The following CCDC7 variants were observed in gnomAD, a reference collection of about 807,000 sequenced individuals.
The protein encoded by CCDC7 is coiled-coil domain-containing protein 7.
CCDC7 carries 183 observed loss-of-function variants against 196.9 expected under a neutral mutation model. That is an observed-to-expected ratio of 0.93 (90% CI 0.82 to 1.05). The LOEUF is 1.05. CCDC7 is among the 50% of genes least tolerant of loss of function. The pLI, the probability that CCDC7 is intolerant of heterozygous loss-of-function variation, is 0.00. For synonymous variants in CCDC7, 525 were observed against 484.6 expected, an observed-to-expected ratio of 1.08 and a Z score of -1.10; for missense variants, 1,540 against 1,482.2, an observed-to-expected ratio of 1.04 and a Z score of -0.64.
chr10:32,445,706 T>C (rs1235990922), upstream of CCDC7, among the ~76,000 whole-genome samples: 1 of 152,114 alleles, frequency 6.6e-6, no homozygotes, highest in Non-Finnish European at 1.5e-5. Context: ...TCCTAGTCCA[T>C]TTGATTTTGT....
At chr10:32,688,453 A>G (rs920323242) in intron 22 of CCDC7, among the ~76,000 whole-genome samples, 7 of 152,290 alleles carry the variant, frequency 4.6e-5, no homozygotes, top group African/African-American at 1.7e-4. Context: ...TTTAATAAAG[A>G]TAGATATCTC....
At chr10:32,692,970 G>A (rs2077261621) in intron 23 of CCDC7, among the ~76,000 whole-genome samples, 1 of 152,102 alleles carries the variant, frequency 6.6e-6, no homozygotes, top group African/African-American at 2.4e-5. Flanking sequence ...TTAGCTATTT[G>A]CTCCCTATTC....
chr10:32,854,537 A>G (rs1454029091), intron 41 of CCDC7, 48 bp downstream of exon 42: 1 of 1,202,280 alleles, frequency 8.3e-7, no homozygotes, highest in Admixed American at 2.1e-5. Flanking sequence ...ACTTTATGCT[A>G]TATTCTCATC....
At chr10:32,518,932 C>T (rs751430687) in intron 11 of CCDC7, among the ~76,000 whole-genome samples, 1 of 152,118 alleles carries the variant, frequency 6.6e-6, no homozygotes, top group Middle Eastern at 3.4e-3. Context: ...TTCTCTTTGC[C>T]ATTGTTAGAG....
At chr10:32,506,718 G>C (rs927704616) in intron 9 of CCDC7, among the ~76,000 whole-genome samples, 1 of 147,828 alleles carries the variant, frequency 6.8e-6, no homozygotes, top group Non-Finnish European at 1.5e-5. Flanking sequence ...CAGTAGTGGC[G>C]GTGTGTGCCT....
At chr10:32,623,691 G>A in intron 18 of CCDC7, 1 of 466,486 alleles carries the variant, frequency 2.1e-6, no homozygotes. Context: ...AAGGAAAAGA[G>A]GTCTTATTTT....
intron 30 of CCDC7, among the ~76,000 whole-genome samples, chr10:32,812,099 T>G (rs184490981): frequency 1.3e-5 from 2 of 152,200 alleles, no homozygotes; most frequent in Admixed American, 6.5e-5. Context: ...GACCCACAGC[T>G]AACATCATAC....
chr10:32,709,302 C>G (rs979577227), intron 24 of CCDC7, among the ~76,000 whole-genome samples: 2 of 130,880 alleles, frequency 1.5e-5, no homozygotes, highest in African/African-American at 6.0e-5. Flanking sequence ...AGGGGAACAT[C>G]ACACACCGAG....
chr10:32,808,516 A>C (rs987889272), intron 30 of CCDC7, among the ~76,000 whole-genome samples: 2 of 152,000 alleles, frequency 1.3e-5, no homozygotes, highest in Non-Finnish European at 2.9e-5. Flanking sequence ...TGTGACTTTT[A>C]TTGCCCACAT....
chr10:32,816,155 A>G (rs1212509862), intron 31 of CCDC7, among the ~76,000 whole-genome samples: 1 of 152,226 alleles, frequency 6.6e-6, no homozygotes, highest in East Asian at 1.9e-4. Context: ...GCACTTTTCC[A>G]ATGGTCTTAG....
chr10:32,566,990 A>G (rs2056904517), intron 14 of CCDC7, among the ~76,000 whole-genome samples: 1 of 102,428 alleles, frequency 9.8e-6, no homozygotes, highest in Non-Finnish European at 1.9e-5. Flanking sequence ...ACATATTTAT[A>G]TATAAAAAAA....
intron 20 of CCDC7, among the ~76,000 whole-genome samples, chr10:32,656,619 G>A (rs180741486): frequency 6.6e-6 from 1 of 152,260 alleles, no homozygotes; most frequent in African/African-American, 2.4e-5. Flanking sequence ...CCGTGATTCA[G>A]TCACCTCCCA....
intron 28 of CCDC7, among the ~76,000 whole-genome samples, chr10:32,772,567 T>C (rs758250023): frequency 6.6e-6 from 1 of 152,246 alleles, no homozygotes; most frequent in African/African-American, 2.4e-5. Context: ...GTTTGTGTTA[T>C]ATTGTGAAAC....
At chr10:32,704,083 G>C (rs377561289) in intron 24 of CCDC7, among the ~76,000 whole-genome samples, 60 of 152,134 alleles carry the variant, frequency 3.9e-4, no homozygotes, top group African/African-American at 1.4e-3. Context: ...TGGAGGAGGA[G>C]AGGTGCTCTG....
chr10:32,477,215 T>A (rs76389945), intron 8 of CCDC7, among the ~76,000 whole-genome samples: 1 of 67,904 alleles, frequency 1.5e-5, no homozygotes, highest in Non-Finnish European at 3.6e-5. Flanking sequence ...TTTGAGTTAA[T>A]TTTTTTTTTT....
At chr10:32,845,626 G>C in exon 35 of CCDC7, 2 of 1,607,394 alleles carry the variant, frequency 1.2e-6, no homozygotes, top group Non-Finnish European at 1.7e-6. Flanking sequence ...AAGTCACCCA[G>C]GTAAGAGAAA....
intron 18 of CCDC7, among the ~76,000 whole-genome samples, chr10:32,630,650 G>A (rs2064736666): frequency 6.6e-6 from 1 of 152,066 alleles, no homozygotes. Flanking sequence ...AACTTAATCT[G>A]CACTATAAAT....
chr10:32,712,290 T>TTTTTAC (rs965388184), intron 25 of CCDC7, among the ~76,000 whole-genome samples: 15 of 150,244 alleles, frequency 1.0e-4, no homozygotes, highest in African/African-American at 3.8e-4. Context: ...GCTCACATTA[T>TTTTTAC]TTTTACTTTT....
At chr10:32,668,044 T>C (rs201570688) in intron 21 of CCDC7, among the ~76,000 whole-genome samples, 5 of 152,086 alleles carry the variant, frequency 3.3e-5, no homozygotes, top group South Asian at 4.1e-4. Flanking sequence ...TTTTATTTCA[T>C]TGAGCAGTGG....
Sources: allele counts gnomAD v4.1 joint callset (sites outside exome capture counted in the v4.1 genomes callset), GRCh38; gene constraint gnomAD v4.1.1; transcripts MANE v1.5; gene names NCBI Gene and HGNC (gene_info 2026-07-23, HGNC 2026-07-21).